Variants in RGS12 observed in about 807,000 individuals in gnomAD.
RGS12 encodes the protein regulator of G protein signaling 12.
Under a neutral mutation model 120.1 loss-of-function variants are expected in RGS12, and 66 were observed. The ratio of observed to expected loss-of-function variants is 0.55; its 90% CI spans 0.45 to 0.67. The LOEUF (loss-of-function observed/expected upper bound fraction) is 0.67, where lower values mean the gene tolerates loss of function less well. Among genes scored for constraint, RGS12 ranks in the 30% least tolerant of loss-of-function variants. RGS12 has a pLI of 0.00. For missense variants in RGS12, 1,859 were observed against 1,957.7 expected (o/e 0.95, Z 0.95); for synonymous variants, 827 against 804.7 (o/e 1.03, Z -0.47).
At chr4:3,319,065 A>C (rs924311176) in intron 2 of RGS12, among the ~76,000 whole-genome samples, 10 of 151,774 alleles carry the variant, frequency 6.6e-5, no homozygotes, top group African/African-American at 2.4e-4. Flanking sequence ...TGTTTGATGA[A>C]TATTTCTACT....
Position 3,341,901 on chromosome 4 carries a change from A to G in RGS12, c.1882-1036A>G, listed in dbSNP as rs1379502348. Among the ~76,000 whole-genome samples the G allele has an allele frequency of 2.7e-5, 4 of 148,844 alleles. No individual in the cohort carries two copies. In the East Asian group the frequency reaches 6.1e-4, roughly 23 times the overall value. On this transcript the variant is annotated intron_variant, in intron 2 of 17. Coordinates refer to ENST00000336727, the MANE Select transcript of RGS12 (RefSeq NM_001394154.1). ...GGTGGTGTGGGGCTGGGCCGTGACA[A>G]TGGGTGGGGTAGGAAGGACTTTTCA... is the stretch of plus-strand genomic sequence containing the variant.
intron 1 of RGS12, among the ~76,000 whole-genome samples, chr4:3,309,165 T>C (rs1162241153): frequency 4.8e-3 from 34 of 7,082 alleles, no homozygotes; most frequent in African/African-American, 0.014. Context: ...GGGAACCGTG[T>C]TGAGGAGGAG....
chr4:3,341,862 G>GC (rs750784212), intron 2 of RGS12, among the ~76,000 whole-genome samples: 1 of 144,996 alleles, frequency 6.9e-6, no homozygotes, highest in African/African-American at 2.6e-5. Context: ...GGCTGCAGAG[G>GC]CCCCGGGGTG....
At chr4:3,387,936 A>G (rs1719020198) in intron 4 of RGS12, among the ~76,000 whole-genome samples, 1 of 152,220 alleles carries the variant, frequency 6.6e-6, no homozygotes, top group South Asian at 2.1e-4. Flanking sequence ...TCCATTTTAC[A>G]GTTGTTTAAA....
intron 4 of RGS12, among the ~76,000 whole-genome samples, chr4:3,401,142 T>C (rs1343545239): frequency 6.6e-6 from 1 of 152,168 alleles, no homozygotes; most frequent in African/African-American, 2.4e-5. Context: ...AAACACATGA[T>C]TTCCATGGGA....
intron 4 of RGS12, among the ~76,000 whole-genome samples, chr4:3,395,534 G>T (rs1159227264): frequency 6.6e-6 from 1 of 152,190 alleles, no homozygotes; most frequent in South Asian, 2.1e-4. Context: ...ATTTCCAAAT[G>T]ATTTTTACAG....
At chr4:3,346,647 C>G (rs1394332768) in intron 3 of RGS12, among the ~76,000 whole-genome samples, 3 of 152,178 alleles carry the variant, frequency 2.0e-5, no homozygotes, top group African/African-American at 7.2e-5. Flanking sequence ...AATTGAGGAG[C>G]TTGGAAACAG....
intron 1 of RGS12, among the ~76,000 whole-genome samples, chr4:3,294,024 G>GTGTAGAC (rs1578659575): frequency 2.6e-5 from 4 of 152,240 alleles, no homozygotes; most frequent in South Asian, 2.1e-4. Flanking sequence ...AGTGTGGACA[G>GTGTAGAC]AGAGGACCAC....
intron 1 of RGS12, among the ~76,000 whole-genome samples, chr4:3,297,406 G>T (rs1004312020): frequency 6.6e-6 from 1 of 152,250 alleles, no homozygotes; most frequent in Non-Finnish European, 1.5e-5. Context: ...TGTTGAAGCT[G>T]CTCCTTTAAA....
At chr4:3,369,172 C>T (rs368977617) in intron 3 of RGS12, among the ~76,000 whole-genome samples, 1 of 152,148 alleles carries the variant, frequency 6.6e-6, no homozygotes, top group Non-Finnish European at 1.5e-5. Context: ...TGTGGCTGGG[C>T]GCCTGCCCCC....
At chr4:3,320,618 A>G (rs542230716) in intron 2 of RGS12, among the ~76,000 whole-genome samples, 36 of 152,330 alleles carry the variant, frequency 2.4e-4, no homozygotes, top group Admixed American at 2.0e-3. Flanking sequence ...TCTAAAAATA[A>G]ACAGGTAGTA....
chr4:3,286,705 G>A, the RGS12 span, among the ~76,000 whole-genome samples: 1 of 152,322 alleles, frequency 6.6e-6, no homozygotes, highest in East Asian at 1.9e-4. Flanking sequence ...GGCGGGGCCA[G>A]CGCTGCACAC....
At chr4:3,345,532 A>T (rs1346202500) in intron 3 of RGS12, among the ~76,000 whole-genome samples, 1 of 152,158 alleles carries the variant, frequency 6.6e-6, no homozygotes, top group Admixed American at 6.5e-5. Context: ...TCAGGAAGTG[A>T]CTGGTGACCA....
Position 3,430,668 on chromosome 4 carries a change from G to C in RGS12, c.3827G>C (p.Gly1276Ala). The change falls in exon 17 of 18, where the codon GGC (glycine) becomes GCC (alanine). Residue 1276 changes from glycine (G) to alanine (A), a missense_variant. Coordinates refer to ENST00000336727, the MANE Select transcript of RGS12 (RefSeq NM_001394154.1). ...AGCGACAGCCCGTCCACCAGCCCGG[G>C]CTCAGCCTCCAGCCCCCCTGGACCT... ...ESSDSPSTSP[G>A]SASSPPGPPG... 1 of 1,588,460 alleles carries C rather than the reference G, an allele frequency of 6.3e-7. No individual in the cohort carries two copies. The highest frequency in any genetic ancestry group is 8.6e-7 in the Non-Finnish European group (1 of 1,166,810).
chr4:3,405,316 A>C (rs1720993697), intron 4 of RGS12, among the ~76,000 whole-genome samples: 1 of 152,262 alleles, frequency 6.6e-6, no homozygotes, highest in African/African-American at 2.4e-5. Context: ...CCCACCCTGC[A>C]GTAAACTGAC....
rs540627521 is a variant in RGS12, at chr4:3,414,956, TGAGGGGCGTGA to T, written c.2283+123_2283+133del. The T allele has an allele frequency of 9.0e-4, 557 of 620,630 alleles. No individual in the cohort carries two copies. In the African/African-American group the frequency reaches 0.013, roughly 14 times the overall value. 38.4% of individuals were successfully genotyped at this position (620,630 alleles called of 1,614,324 possible). A position where few individuals can be genotyped will look rare whatever the true frequency, so the allele number is the denominator to read the frequency against. On this transcript the variant is annotated intron_variant, in intron 6 of 17. Transcript: ENST00000336727. ...GTGAGGGGCATGTGAGGGGTGTGTGTGAGGGGCGTGAGAGGGGCGTGTGAGAGGTTGCGTGT... is the reference window on the plus strand; with the variant it reads ...GTGAGGGGCATGTGAGGGGTGTGTGTGAGGGGCGTGTGAGAGGTTGCGTGT...
At chr4:3,321,031 G>A (rs923587657) in intron 2 of RGS12, among the ~76,000 whole-genome samples, 2 of 152,202 alleles carry the variant, frequency 1.3e-5, no homozygotes, top group African/African-American at 4.8e-5. Flanking sequence ...CGGATTCTTA[G>A]TGACGGGGAC....
chr4:3,301,027 C>G (rs918174896), intron 1 of RGS12, among the ~76,000 whole-genome samples: 4 of 152,106 alleles, frequency 2.6e-5, no homozygotes, highest in Non-Finnish European at 5.9e-5. Context: ...GGAGCCTCCC[C>G]GGCTGCCCTC....
intron 2 of RGS12, among the ~76,000 whole-genome samples, chr4:3,319,156 G>A (rs898499109): frequency 1.3e-5 from 2 of 152,168 alleles, no homozygotes; most frequent in Non-Finnish European, 2.9e-5. Flanking sequence ...GCCGGCTGCC[G>A]TGGCACACGC....
Sources: allele counts gnomAD v4.1 joint callset (sites outside exome capture counted in the v4.1 genomes callset), GRCh38; gene constraint gnomAD v4.1.1; transcripts MANE v1.5; gene names NCBI Gene and HGNC (gene_info 2026-07-23, HGNC 2026-07-21).